The following SVEP1 variants were observed in gnomAD, a reference collection of about 807,000 sequenced individuals.
The protein encoded by SVEP1 is sushi, von Willebrand factor type A, EGF and pentraxin domain-containing protein 1.
A neutral mutation model predicts 367.3 loss-of-function variants in SVEP1; 164 were observed. The ratio of observed to expected loss-of-function variants is 0.45; its 90% CI spans 0.39 to 0.51. The LOEUF (loss-of-function observed/expected upper bound fraction) is 0.51. Among genes scored for constraint, SVEP1 ranks in the 20% least tolerant of loss-of-function variants. The pLI is 0.00. For synonymous variants in SVEP1, 1,666 were observed against 1,611.6 expected (o/e 1.03, Z -0.81); for missense variants, 4,117 against 4,425.3 (o/e 0.93, Z 1.98).
intron 1 of SVEP1, among the ~76,000 whole-genome samples, chr9:110,570,825 T>C (rs57215356): frequency 0.11 from 16,227 of 152,094 alleles, 1,075 homozygotes; most frequent in East Asian, 0.33. Context: ...AGAAGCATCA[T>C]CTGCCCTAAG....
intron 47 of SVEP1, among the ~76,000 whole-genome samples, chr9:110,368,400 G>A (rs1315910019): frequency 1.3e-5 from 2 of 152,194 alleles, no homozygotes; most frequent in South Asian, 4.1e-4. Context: ...TCCCTTGAAG[G>A]TGAGCTACAC....
At chr9:110,554,722 A>ATGTGTGTGTGTG (rs762452858) in intron 1 of SVEP1, among the ~76,000 whole-genome samples, 34 of 121,576 alleles carry the variant, frequency 2.8e-4, no homozygotes, top group African/African-American at 1.1e-3. Flanking sequence ...GTATGTATAG[A>ATGTGTGTGTGTG]TGTGCGTGTG....
At chr9:110,372,046 C>A (rs987873780) in intron 46 of SVEP1, among the ~76,000 whole-genome samples, 4 of 152,138 alleles carry the variant, frequency 2.6e-5, no homozygotes, top group African/African-American at 9.7e-5. Context: ...CGGATGCTGC[C>A]CATCTTTAGA....
chr9:110,467,609 T>A (rs1045361310), intron 17 of SVEP1, among the ~76,000 whole-genome samples: 6 of 151,574 alleles, frequency 4.0e-5, no homozygotes, highest in African/African-American at 1.5e-4. Flanking sequence ...TGGATAAAAG[T>A]ATGTGGCATC....
At chr9:110,438,621 T>C (rs1440698943) in intron 27 of SVEP1, among the ~76,000 whole-genome samples, 5 of 152,222 alleles carry the variant, frequency 3.3e-5, no homozygotes, top group African/African-American at 1.2e-4. Context: ...AAAATGACAC[T>C]GAGATAAACC....
At chr9:110,402,077 A>G (rs771578918) in intron 39 of SVEP1, among the ~76,000 whole-genome samples, 5 of 152,092 alleles carry the variant, frequency 3.3e-5, no homozygotes, top group South Asian at 4.1e-4. Context: ...TCTGGGTATT[A>G]TAACACCAGT....
At chr9:110,454,442 C>T (rs1473478261) in intron 22 of SVEP1, among the ~76,000 whole-genome samples, 1 of 152,178 alleles carries the variant, frequency 6.6e-6, no homozygotes, top group African/African-American at 2.4e-5. Context: ...GTAATCCCAG[C>T]AATCCCATTA....
At chr9:110,395,288 A>T (rs1588031285) in intron 40 of SVEP1, among the ~76,000 whole-genome samples, 1 of 152,204 alleles carries the variant, frequency 6.6e-6, no homozygotes, top group Non-Finnish European at 1.5e-5. Context: ...AATCCTTTAC[A>T]GACAAGCAAA....
At position 110,549,938 on chromosome 9, in the gene SVEP1, T is replaced by A; in HGVS notation, c.698A>T (p.Asp233Val). Residue 233 changes from aspartate (D) to valine (V), a missense_variant, in exon 2 of 48, where the codon GAC becomes GTC. This residue lies in a region of SVEP1 where 2,174 missense variants were observed against 2,494.3 expected (regional missense o/e 0.87). Coordinates refer to ENST00000374469, the MANE Select transcript of SVEP1 (RefSeq NM_153366.4). ...CTCCTCCTTTGGGGTGGAAGCCATG[T>A]CATTCAGCTCTCGAATGTTCCCTTG... ...IWQGNIRELN[D>V]MASTPKEEHC... 6.2e-7 allele frequency: 1 copy of A among 1,614,048 alleles called. No homozygotes were observed. Among genetic ancestry groups the A allele is most frequent in the Non-Finnish European group, 8.5e-7 (1 of 1,179,896 alleles).
At chr9:110,503,293 CT>C in intron 5 of SVEP1, 76 bp from the exon 6 acceptor site, 1 of 1,386,980 alleles carries the variant, frequency 7.2e-7, no homozygotes, top group Non-Finnish European at 9.9e-7. Context: ...TTAGCAATGC[CT>C]GCACATTGCA....
chr9:110,506,142 A>G (rs1008578244), intron 5 of SVEP1, among the ~76,000 whole-genome samples: 14 of 152,188 alleles, frequency 9.2e-5, no homozygotes. Context: ...TGCAAAGGAC[A>G]TGAACTCATC....
At chr9:110,430,677 A>G (rs931972959) in intron 32 of SVEP1, among the ~76,000 whole-genome samples, 2 of 152,212 alleles carry the variant, frequency 1.3e-5, no homozygotes, top group Non-Finnish European at 2.9e-5. Context: ...CCTAACAACA[A>G]TATACATAAT....
intron 1 of SVEP1, among the ~76,000 whole-genome samples, chr9:110,565,303 CTGAA>C (rs906616187): frequency 6.6e-6 from 1 of 152,092 alleles, no homozygotes; most frequent in Non-Finnish European, 1.5e-5. Flanking sequence ...TAAGTGTAGG[CTGAA>C]TGATTATTTG....
intron 43 of SVEP1, among the ~76,000 whole-genome samples, chr9:110,384,734 T>A (rs982578215): frequency 6.6e-6 from 1 of 152,184 alleles, no homozygotes; most frequent in East Asian, 1.9e-4. Flanking sequence ...GAGGACAGAA[T>A]TCAAACTCAG....
intron 8 of SVEP1, among the ~76,000 whole-genome samples, chr9:110,494,418 A>C (rs994669794): frequency 2.0e-5 from 3 of 152,198 alleles, no homozygotes; most frequent in East Asian, 3.8e-4. Context: ...AATCCTTGAA[A>C]GTGGTTTTTA....
intron 34 of SVEP1, 102 bp from the exon 35 acceptor site, chr9:110,429,436 G>A (rs1828315290): frequency 8.2e-6 from 7 of 856,770 alleles, no homozygotes; most frequent in Non-Finnish European, 1.1e-5. Flanking sequence ...TATACATATT[G>A]GAAAAGTTGA....
intron 1 of SVEP1, among the ~76,000 whole-genome samples, chr9:110,556,955 C>A (rs573726887): frequency 1.3e-5 from 2 of 152,314 alleles, no homozygotes; most frequent in East Asian, 3.9e-4. Flanking sequence ...CTGTTTTCCA[C>A]ATATATTGTT....
chr9:110,470,347 T>G (rs1312526379), intron 16 of SVEP1, among the ~76,000 whole-genome samples: 1 of 152,140 alleles, frequency 6.6e-6, no homozygotes, highest in Admixed American at 6.5e-5. Flanking sequence ...AATTTTATGT[T>G]ACGTGAACTT....
At chr9:110,443,784 G>T in intron 26 of SVEP1, 64 bp from the exon 27 acceptor site, 1 of 1,344,322 alleles carries the variant, frequency 7.4e-7, no homozygotes, top group Non-Finnish European at 9.8e-7. Flanking sequence ...TTACTGTGGG[G>T]CATGCTACAA....
Sources: allele counts gnomAD v4.1 joint callset (sites outside exome capture counted in the v4.1 genomes callset), GRCh38; gene constraint gnomAD v4.1.1; regional missense constraint gnomAD v4.1.1; transcripts MANE v1.5; gene names NCBI Gene and HGNC (gene_info 2026-07-23, HGNC 2026-07-21).